Variants in PLOD2 observed in about 807,000 individuals in gnomAD.
PLOD2 encodes the protein procollagen-lysine,2-oxoglutarate 5-dioxygenase 2.
A neutral mutation model predicts 101.0 loss-of-function variants in PLOD2; 65 were observed. That is an observed-to-expected ratio of 0.64 (90% confidence interval 0.53 to 0.79). The LOEUF (loss-of-function observed/expected upper bound fraction) is 0.79. Ranked by LOEUF, PLOD2 falls within the 30% of genes least tolerant of loss-of-function variation. The pLI is 0.00. For missense variants in PLOD2, 909 were observed against 914.6 expected (o/e 0.99, Z 0.08); for synonymous variants, 314 against 302.9 (o/e 1.04, Z -0.38).
At chr3:146,122,142 A>G (rs2030206761) in intron 2 of PLOD2, among the ~76,000 whole-genome samples, 2 of 152,232 alleles carry the variant, frequency 1.3e-5, no homozygotes, top group African/African-American at 4.8e-5. Context: ...ACTGAGCCGG[A>G]GATAAATCTT....
chr3:146,084,263 T>C (rs1936680253), intron 11 of PLOD2, among the ~76,000 whole-genome samples: 1 of 152,132 alleles, frequency 6.6e-6, no homozygotes, highest in South Asian at 2.1e-4. Flanking sequence ...AGATACTGAG[T>C]ATCTATAACA....
intron 11 of PLOD2, among the ~76,000 whole-genome samples, chr3:146,082,922 C>T (rs1421308269): frequency 6.6e-6 from 1 of 151,884 alleles, no homozygotes; most frequent in Non-Finnish European, 1.5e-5. Flanking sequence ...AAAATAAATA[C>T]ACATCATGCA....
At chr3:146,116,982 T>A (rs1050655702) in intron 3 of PLOD2, among the ~76,000 whole-genome samples, 2 of 152,156 alleles carry the variant, frequency 1.3e-5, no homozygotes, top group Non-Finnish European at 2.9e-5. Context: ...AATTCAGGCT[T>A]TTTAGCATGT....
chr3:146,136,397 T>A (rs556406058), intron 1 of PLOD2, among the ~76,000 whole-genome samples: 28 of 152,282 alleles, frequency 1.8e-4, no homozygotes, highest in Middle Eastern at 6.8e-3. Flanking sequence ...CCTGACCTAA[T>A]GTGAGGAGGA....
In PLOD2 at chr3:146,107,622, A is replaced by ATT. The variant is rs71158215; in HGVS notation, c.503-980_503-979dup. On this transcript the variant is annotated intron_variant, in intron 4 of 19. Coordinates refer to ENST00000282903, the MANE Select transcript of PLOD2 (RefSeq NM_182943.3). ...TCATTTTTTGGTTCTTGCCATATAAATTTTTTTTTTTTTTTTTTTTTTTTT... is the reference window on the plus strand; with the variant it reads ...TCATTTTTTGGTTCTTGCCATATAAATTTTTTTTTTTTTTTTTTTTTTTTTTT... Among the ~76,000 whole-genome samples, 242 of 68,916 alleles carry ATT rather than the reference A, an allele frequency of 3.5e-3. 15 individuals carry two copies. The highest frequency in any genetic ancestry group is 0.014 in the African/African-American group (233 of 17,182). The allele number at this position is 68,916 out of a possible 152,430, so 45.2% of individuals were successfully genotyped here.
At chr3:146,128,180 C>T (rs1352786355) in intron 1 of PLOD2, among the ~76,000 whole-genome samples, 7 of 152,116 alleles carry the variant, frequency 4.6e-5, no homozygotes, top group African/African-American at 1.7e-4. Flanking sequence ...AATCCACCCT[C>T]CACAAGCCAA....
intron 1 of PLOD2, among the ~76,000 whole-genome samples, chr3:146,153,128 G>A (rs1322355302): frequency 6.6e-6 from 1 of 152,096 alleles, no homozygotes; most frequent in African/African-American, 2.4e-5. Context: ...CCTCAGAGCT[G>A]GCTTGGACAA....
At chr3:146,137,991 G>T (rs2031332360) in intron 1 of PLOD2, among the ~76,000 whole-genome samples, 1 of 152,116 alleles carries the variant, frequency 6.6e-6, no homozygotes, top group Non-Finnish European at 1.5e-5. Flanking sequence ...AGAATATTTT[G>T]CTAGTCAGAA....
intron 1 of PLOD2, among the ~76,000 whole-genome samples, chr3:146,141,916 T>C (rs1381005238): frequency 6.6e-6 from 1 of 152,026 alleles, no homozygotes; most frequent in African/African-American, 2.4e-5. Flanking sequence ...ATGAAAAAAA[T>C]TGTGAGGAAT....
chr3:146,100,443 C>T (rs1348286282), intron 7 of PLOD2, among the ~76,000 whole-genome samples: 1 of 152,114 alleles, frequency 6.6e-6, no homozygotes, highest in Non-Finnish European at 1.5e-5. Context: ...GTGTGTGATA[C>T]ATACTGTAAC....
At chr3:146,144,034 T>C (rs1576626868) in intron 1 of PLOD2, among the ~76,000 whole-genome samples, 1 of 152,216 alleles carries the variant, frequency 6.6e-6, no homozygotes, top group East Asian at 1.9e-4. Flanking sequence ...CCGCTGCCTG[T>C]AATCCTCCTC....
rs977806068 is a variant in PLOD2 at position 146,069,910 on chromosome 3, G to A, written c.*807C>T. The stretch of plus-strand genomic sequence containing the variant: ...AGAACTTTCTAAAAAAGGAAACAAA[G>A]CAAAAACAACAACAAAAAAAACCTG... On this transcript the variant is annotated 3_prime_UTR_variant, in exon 20 of 20. Coordinates refer to ENST00000282903, the MANE Select transcript of PLOD2 (RefSeq NM_182943.3). 1 of 152,106 alleles carries A rather than the reference G, an allele frequency of 6.6e-6. No individual in the cohort carries two copies. The highest frequency in any genetic ancestry group is 1.5e-5 in the Non-Finnish European group (1 of 67,814). 9.4% of individuals were successfully genotyped at this position (152,106 alleles called of 1,614,324 possible). A position where few individuals can be genotyped will look rare whatever the true frequency, so the allele number is the denominator to read the frequency against.
intron 1 of PLOD2, among the ~76,000 whole-genome samples, chr3:146,153,485 G>A (rs574942909): frequency 6.6e-6 from 1 of 152,232 alleles, no homozygotes; most frequent in South Asian, 2.1e-4. Flanking sequence ...CAAAAGTTGT[G>A]GCTTCAAACC....
intron 1 of PLOD2, among the ~76,000 whole-genome samples, chr3:146,159,743 A>G (rs1052579891): frequency 1.3e-5 from 2 of 152,218 alleles, no homozygotes; most frequent in Non-Finnish European, 2.9e-5. Flanking sequence ...ACAGAAAGAA[A>G]AGCATCCTGT....
intron 1 of PLOD2, among the ~76,000 whole-genome samples, chr3:146,131,961 GA>G (rs2030939108): frequency 6.6e-6 from 1 of 151,946 alleles, no homozygotes; most frequent in Non-Finnish European, 1.5e-5. Context: ...GATGTGTCAA[GA>G]GACATCCAAT....
Position 146,144,350 on chromosome 3 carries a change from T to C in PLOD2, c.109+16531A>G, listed in dbSNP as rs558850213. On this transcript the variant is annotated intron_variant, in intron 1 of 19. Transcript: ENST00000282903. ...AAGGAGGATAAAGAGAATCAGACAC[T>C]ATTTTCCCCTAAAACCTTGAAGAAA... 1.2e-4 allele frequency among the ~76,000 whole-genome samples: 19 copies of C among 152,214 alleles called. No individual in the cohort carries two copies. The East Asian group carries it at 3.3e-3, about 26-fold the overall frequency.
chr3:146,151,856 T>G (rs999573945), intron 1 of PLOD2, among the ~76,000 whole-genome samples: 1 of 152,190 alleles, frequency 6.6e-6, no homozygotes, highest in Non-Finnish European at 1.5e-5. Context: ...AGTCAATAAA[T>G]ACTCCAATTA....
chr3:146,149,106 GAATT>G (rs2031933331), intron 1 of PLOD2, among the ~76,000 whole-genome samples: 1 of 152,148 alleles, frequency 6.6e-6, no homozygotes, highest in Non-Finnish European at 1.5e-5. Flanking sequence ...AGATTTTTCT[GAATT>G]AATTGTGAAC....
At chr3:146,139,694 A>G (rs1429611493) in intron 1 of PLOD2, among the ~76,000 whole-genome samples, 2 of 152,136 alleles carry the variant, frequency 1.3e-5, no homozygotes, top group Non-Finnish European at 2.9e-5. Flanking sequence ...TTTTCAAACC[A>G]GTTTGTAAAA....
Sources: gnomAD v4.1 joint callset for allele counts (sites outside exome capture counted in the v4.1 genomes callset) on GRCh38, gnomAD v4.1.1 for gene constraint, MANE v1.5 for transcripts, NCBI Gene and HGNC (gene_info 2026-07-23, HGNC 2026-07-21) for gene names.